The following AGTR2 variants were observed in gnomAD, a reference collection of about 807,000 sequenced individuals.
AGTR2 encodes type-2 angiotensin II receptor.
Under a neutral mutation model 14.2 loss-of-function variants are expected in AGTR2, and 15 were observed. The observed-to-expected ratio is 1.05, with a 90% confidence interval of 0.70 to 1.62. AGTR2 has a LOEUF of 1.62. AGTR2 is among the 40% of genes most tolerant of loss of function. The pLI, the probability that AGTR2 is intolerant of heterozygous loss-of-function variation, is 0.00. For synonymous variants in AGTR2, 101 were observed against 98.5 expected, an observed-to-expected ratio of 1.03 and a Z score of -0.15; for missense variants, 274 against 273.1, an observed-to-expected ratio of 1.00 and a Z score of -0.02.
Position 116,173,050 on chromosome X carries a change from T to A in AGTR2, c.770T>A (p.Met257Lys), listed in dbSNP as rs781887787. Residue 257 changes from methionine (M) to lysine (K), a missense_variant, in exon 3 of 3, where the codon ATG becomes AAG. By Grantham distance (95) the Met-to-Lys change is moderately conservative. Transcript: ENST00000371906. ...ATAACCCGTGACCAAGTCCTGAAGA[T>A]GGCAGCTGCTGTTGTTCTGGCCTTC... ...NRITRDQVLK[M>K]AAAVVLAFII... The A allele has an allele frequency of 2.5e-6, 3 of 1,209,497 alleles. No homozygotes were observed. Among genetic ancestry groups the A allele is most frequent in the Non-Finnish European group, 3.4e-6 (3 of 894,926 alleles).
rs932512501 is a variant in AGTR2 at position 116,173,021 on chromosome X, C to G, written c.741C>G (p.Asn247Lys). 8.3e-7 allele frequency: 1 copy of G among 1,209,545 alleles called. No homozygotes were observed. Among genetic ancestry groups the G allele is most frequent in the South Asian group, 1.8e-5 (1 of 56,760 alleles). The change falls in exon 3 of 3, where the codon AAC (asparagine) becomes AAG (lysine). Residue 247 changes from asparagine (N) to lysine (K), a missense_variant. Transcript: ENST00000371906. ...HLLKTNSYGK[N>K]RITRDQVLKM... Reference sequence around the variant, plus strand: ...TGAAGACGAATAGCTATGGGAAGAACAGGATAACCCGTGACCAAGTCCTGA... The same window carrying G: ...TGAAGACGAATAGCTATGGGAAGAAGAGGATAACCCGTGACCAAGTCCTGA...
Position 116,174,569 on chromosome X carries a change from AC to A in AGTR2, c.*1199del, listed in dbSNP as rs1569536586. 8.1e-6 allele frequency: 1 copy of A among 122,830 alleles called. No individual in the cohort carries two copies. The highest frequency in any genetic ancestry group is 2.8e-4 in the East Asian group (1 of 3,562). 10.1% of individuals were successfully genotyped at this position (122,830 alleles called of 1,213,427 possible). On this transcript the variant is annotated 3_prime_UTR_variant, in exon 3 of 3. Coordinates refer to ENST00000371906, the MANE Select transcript of AGTR2 (RefSeq NM_000686.5). ...TTTTAAACCAATTGCAGGTCTAGAT[AC>A]CTCCTTCTCAGCACTATTAAAGCTC...
intron 2 of AGTR2, among the ~76,000 whole-genome samples, chrX:116,171,888 TAA>T (rs1283846732): frequency 9.0e-6 from 1 of 111,617 alleles, no homozygotes; most frequent in East Asian, 2.8e-4. Flanking sequence ...TTTGAAAGAT[TAA>T]CTTTTCTTAC....
In AGTR2 at chrX:116,173,430, T is replaced by G. The variant is rs1922536313; in HGVS notation, c.*58T>G. 6 of 1,189,288 alleles carry G rather than the reference T, an allele frequency of 5.0e-6. No individual in the cohort carries two copies. The highest frequency in any genetic ancestry group is 6.8e-6 in the Non-Finnish European group (6 of 879,405). ...CTACTTGCTTTGAGGCTCACCAGAA[T>G]TATTTTTAAGTGGTTTTAATAAAAT... On this transcript the variant is annotated 3_prime_UTR_variant, in exon 3 of 3. Coordinates refer to ENST00000371906, the MANE Select transcript of AGTR2 (RefSeq NM_000686.5).
chrX:116,171,599 ATAT>A (rs1468314781), intron 2 of AGTR2, among the ~76,000 whole-genome samples: 1 of 111,270 alleles, frequency 9.0e-6, no homozygotes, highest in Non-Finnish European at 1.9e-5. Flanking sequence ...CTTCTTAACT[ATAT>A]TATTATTGTG....
chrX:116,171,059 C>A (rs1922429032), intron 2 of AGTR2, 32 bp downstream of exon 2: 3 of 110,998 alleles, frequency 2.7e-5, no homozygotes, highest in Non-Finnish European at 5.7e-5. Context: ...ATTATTGATT[C>A]TTTTATGTTA....
Position 116,173,606 on chromosome X carries a change from C to G in AGTR2, c.*234C>G, listed in dbSNP as rs781903172. 1.0e-5 allele frequency: 4 copies of G among 388,127 alleles called. No homozygotes were observed. The highest frequency in any genetic ancestry group is 1.8e-5 in the Non-Finnish European group (4 of 220,636). 32.0% of individuals were successfully genotyped at this position (388,127 alleles called of 1,213,427 possible). ...AGACATATTTACAACCTAGAAGTAA[C>G]TGGTGATATATCTCAAATTGTAATT... On this transcript the variant is annotated 3_prime_UTR_variant, in exon 3 of 3. Transcript: ENST00000371906.
rs1299188302 is a variant in AGTR2, at chrX:116,174,758, G to A, written c.*1386G>A. 2 of 122,405 alleles carry A rather than the reference G, an allele frequency of 1.6e-5. No homozygotes were observed. The highest frequency in any genetic ancestry group is 6.5e-5 in the African/African-American group (2 of 30,580). 10.1% of individuals were successfully genotyped at this position (122,405 alleles called of 1,213,427 possible). A position where few individuals can be genotyped will look rare whatever the true frequency, so the allele number is the denominator to read the frequency against. ...GTAGGTCTAAATACTGATCTCTGAG[G>A]CGGAACTAACGTTTTGGGGACTCAG... On this transcript the variant is annotated 3_prime_UTR_variant, in exon 3 of 3. Coordinates refer to ENST00000371906, the MANE Select transcript of AGTR2 (RefSeq NM_000686.5).
At chrX:116,172,197 G>A (rs1922470365) in intron 2 of AGTR2, 49 bp from the exon 3 acceptor site, 15 of 1,083,226 alleles carry the variant, frequency 1.4e-5, no homozygotes, top group Admixed American at 2.3e-5. Context: ...ATTCAAGGAT[G>A]TCCTCAGCTC....
intron 2 of AGTR2, 76 bp from the exon 3 acceptor site, chrX:116,172,170 C>A: frequency 1.0e-6 from 1 of 958,227 alleles, no homozygotes; most frequent in African/African-American, 1.9e-5. Context: ...TTTTGACAAA[C>A]ATTCAAAATG....
rs1339899727 is a variant in AGTR2 at position 116,174,877 on chromosome X, T to TA, written c.*1510dup. ...TTTCATGTAATCCTTTTATTTTCAA[T>TA]AAAAACAAATAGCTAAATGTATAAC... On this transcript the variant is annotated 3_prime_UTR_variant, in exon 3 of 3. Transcript: ENST00000371906. 8.1e-6 allele frequency: 1 copy of TA among 123,059 alleles called. No homozygotes were observed. The highest frequency in any genetic ancestry group is 1.9e-5 in the Non-Finnish European group (1 of 53,176). The allele number at this position is 123,059 out of a possible 1,213,427, so 10.1% of individuals were successfully genotyped here.
Position 116,174,557 on chromosome X carries a change from G to T in AGTR2, c.*1185G>T, listed in dbSNP as rs17231478. On this transcript the variant is annotated 3_prime_UTR_variant, in exon 3 of 3. Transcript: ENST00000371906. ...TCTATGGAGCTATTTTAAACCAATT[G>T]CAGGTCTAGATACCTCCTTCTCAGC... is the stretch of plus-strand genomic sequence containing the variant. 0.035 allele frequency: 4,304 copies of T among 122,611 alleles called. 81 individuals carry two copies. Among genetic ancestry groups the T allele is most frequent in the Non-Finnish European group, 0.053 (2,787 of 52,986 alleles). The allele number at this position is 122,611 out of a possible 1,213,427, so 10.1% of individuals were successfully genotyped here.
chrX:116,173,110 T>A lies in AGTR2; in HGVS notation c.830T>A (p.Phe277Tyr). 3 of 1,209,093 alleles carry A rather than the reference T, an allele frequency of 2.5e-6. No homozygotes were observed. Among genetic ancestry groups the A allele is most frequent in the Non-Finnish European group, 3.4e-6 (3 of 894,056 alleles). Reference protein sequence around the residue: ...ICWLPFHVLTFLDALAWMGVI... With the variant: ...ICWLPFHVLTYLDALAWMGVI... ...TGGCTTCCCTTCCATGTTCTGACCTTCCTGGATGCTCTGGCCTGGATGGGT... is the reference window on the plus strand; with the variant it reads ...TGGCTTCCCTTCCATGTTCTGACCTACCTGGATGCTCTGGCCTGGATGGGT... Residue 277 changes from phenylalanine (F) to tyrosine (Y), a missense_variant, in exon 3 of 3, where the codon TTC becomes TAC. Phe to Tyr is a conservative substitution (Grantham distance 22, BLOSUM62 3). Transcript: ENST00000371906.
chrX:116,173,322 TC>T lies in AGTR2; in HGVS notation c.1043del (p.Ser348PhefsTer39). The T allele has an allele frequency of 8.3e-7, 1 of 1,211,409 alleles. No homozygotes were observed. The highest frequency in any genetic ancestry group is 1.1e-6 in the Non-Finnish European group (1 of 895,257). ...TWLQGKRESMSCRKSSSLREM... is the reference protein window; with the variant it reads ...TWLQGKRESMXCRKSSSLREM... The stretch of plus-strand genomic sequence containing the variant: ...GCTCCAAGGGAAAAGAGAGAGTATG[TC>T]TTGCCGGAAAAGCAGTTCTCTTAGA... On this transcript the variant is annotated frameshift_variant, in exon 3 of 3. Transcript: ENST00000371906. LOFTEE classifies it high-confidence loss of function.
chrX:116,174,408 A>G lies in AGTR2; in HGVS notation c.*1036A>G, dbSNP rs1396228354. 3 of 122,607 alleles carry G rather than the reference A, an allele frequency of 2.4e-5. No individual in the cohort carries two copies. Among genetic ancestry groups the G allele is most frequent in the African/African-American group, 9.8e-5 (3 of 30,661 alleles). The allele number at this position is 122,607 out of a possible 1,213,427, so 10.1% of individuals were successfully genotyped here. A position where few individuals can be genotyped will look rare whatever the true frequency, so the allele number is the denominator to read the frequency against. On this transcript the variant is annotated 3_prime_UTR_variant, in exon 3 of 3. Transcript: ENST00000371906. ...GGGTGGGGGCAAAGAGACCCAGTCAATTACATGTTTGGTACCAAGAAAGGA... is the reference window on the plus strand; with the variant it reads ...GGGTGGGGGCAAAGAGACCCAGTCAGTTACATGTTTGGTACCAAGAAAGGA...
Position 116,173,297 on chromosome X carries a change from G to A in AGTR2, c.1017G>A (p.Trp339Ter). 8.3e-7 allele frequency: 1 copy of A among 1,211,049 alleles called. No homozygotes were observed. The highest frequency in any genetic ancestry group is 2.2e-5 in the Admixed American group (1 of 45,900). The change falls in exon 3 of 3, where the codon TGG becomes TGA. Residue 339 changes from tryptophan (W) to a stop codon, truncating the protein, a stop_gained. Transcript: ENST00000371906. LOFTEE classifies it high-confidence loss of function. ...LRSVFRVPIT[W>*]LQGKRESMSC... Reference sequence around the variant, plus strand: ...GTGTGTTTAGGGTTCCAATTACTTGGCTCCAAGGGAAAAGAGAGAGTATGT... The same window carrying A: ...GTGTGTTTAGGGTTCCAATTACTTGACTCCAAGGGAAAAGAGAGAGTATGT...
In AGTR2 at chrX:116,173,623, A is replaced by G. The variant is rs936707224; in HGVS notation, c.*251A>G. On this transcript the variant is annotated 3_prime_UTR_variant, in exon 3 of 3. Transcript: ENST00000371906. ...AGAAGTAACTGGTGATATATCTCAA[A>G]TTGTAATTAATAATAGATTGTGAAT... 8 of 344,815 alleles carry G rather than the reference A, an allele frequency of 2.3e-5. No homozygotes were observed. The highest frequency in any genetic ancestry group is 1.8e-4 in the African/African-American group (7 of 38,189). The allele number at this position is 344,815 out of a possible 1,213,427, so 28.4% of individuals were successfully genotyped here. A position where few individuals can be genotyped will look rare whatever the true frequency, so the allele number is the denominator to read the frequency against.
Position 116,172,455 on chromosome X carries a change from T to C in AGTR2, c.175T>C (p.Phe59Leu). Reference protein sequence around the residue: ...ILYYIIFVIGFLVNIVVVTLF... With the variant: ...ILYYIIFVIGLLVNIVVVTLF... ...TTACTACATTATATTTGTAATTGGA[T>C]TTCTGGTCAATATTGTCGTGGTTAC... Residue 59 changes from phenylalanine to leucine, a missense_variant, in exon 3 of 3, where the codon TTT becomes CTT. Coordinates refer to ENST00000371906, the MANE Select transcript of AGTR2 (RefSeq NM_000686.5). The C allele has an allele frequency of 1.7e-6, 2 of 1,210,313 alleles. No individual in the cohort carries two copies.
chrX:116,172,146 C>A, intron 2 of AGTR2, 100 bp from the exon 3 acceptor site: 1 of 729,682 alleles, frequency 1.4e-6, no homozygotes, highest in Non-Finnish European at 2.1e-6. Flanking sequence ...TATAATCACT[C>A]ACTTTTTTTT....
Sources: allele counts gnomAD v4.1 joint callset (sites outside exome capture counted in the v4.1 genomes callset), GRCh38; gene constraint gnomAD v4.1.1; transcripts MANE v1.5; gene names NCBI Gene and HGNC (gene_info 2026-07-23, HGNC 2026-07-21).